GRID1: variants seen among roughly 807,000 people sequenced by gnomAD.
GRID1 encodes glutamate ionotropic receptor delta type subunit 1, also known as glutamate receptor ionotropic, delta-1.
Under a neutral mutation model 98.0 loss-of-function variants are expected in GRID1, and 28 were observed. The observed-to-expected ratio is 0.29, with a 90% CI of 0.21 to 0.39. The LOEUF (loss-of-function observed/expected upper bound fraction) is 0.39, where lower values mean the gene tolerates loss of function less well. Ranked by LOEUF, GRID1 falls within the 10% of genes least tolerant of loss-of-function variation. The probability of loss-of-function intolerance (pLI) is 1.00; values close to 1 mark genes in which losing one functional copy is unlikely to be tolerated. For synonymous variants in GRID1, 553 were observed against 538.5 expected (o/e 1.03, Z -0.37); for missense variants, 1,111 against 1,340.5 (o/e 0.83, Z 2.67).
intron 4 of GRID1, among the ~76,000 whole-genome samples, chr10:85,922,475 A>G (rs909033097): frequency 6.6e-6 from 1 of 152,188 alleles, no homozygotes; most frequent in Non-Finnish European, 1.5e-5. Context: ...CATCCCCCCA[A>G]CACTGGGAGC....
intron 2 of GRID1, among the ~76,000 whole-genome samples, chr10:86,349,913 A>G (rs960078759): frequency 6.6e-6 from 1 of 152,202 alleles, no homozygotes; most frequent in Non-Finnish European, 1.5e-5. Context: ...TCACAAATAA[A>G]TTAATAACAT....
chr10:85,820,914 T>C (rs1173872675), intron 8 of GRID1, among the ~76,000 whole-genome samples: 3 of 152,316 alleles, frequency 2.0e-5, no homozygotes, highest in East Asian at 3.9e-4. Context: ...CTTTTTGATA[T>C]TCATTCAAGG....
intron 3 of GRID1, among the ~76,000 whole-genome samples, chr10:86,191,951 G>C (rs534393991): frequency 4.6e-5 from 7 of 152,340 alleles, no homozygotes; most frequent in African/African-American, 1.4e-4. Flanking sequence ...GGAGTGATGA[G>C]AGAAAGGCCA....
chr10:86,086,394 C>G lies in GRID1; in HGVS notation c.726+52425G>C, dbSNP rs77655202. ...GATGAATATGATCTGCCAAACACTT[C>G]CGCACCCATTGTTTTATTGGATCTA... is the stretch of plus-strand genomic sequence containing the variant. On this transcript the variant is annotated intron_variant, in intron 4 of 15. Coordinates refer to ENST00000327946, the MANE Select transcript of GRID1 (RefSeq NM_017551.3). Among the ~76,000 whole-genome samples the G allele has an allele frequency of 2.0e-5, 3 of 152,302 alleles. No homozygotes were observed. The East Asian group carries it at 5.8e-4, about 29-fold the overall frequency.
intron 2 of GRID1, among the ~76,000 whole-genome samples, chr10:86,314,062 A>C (rs900164083): frequency 2.0e-5 from 3 of 152,202 alleles, no homozygotes; most frequent in Non-Finnish European, 4.4e-5. Context: ...CACTAAAATT[A>C]GTTTTCGGTT....
At chr10:85,863,511 T>G (rs1843185778) in intron 6 of GRID1, among the ~76,000 whole-genome samples, 1 of 152,224 alleles carries the variant, frequency 6.6e-6, no homozygotes, top group South Asian at 2.1e-4. Flanking sequence ...GCACTGACTT[T>G]CCACCTGGGC....
At chr10:85,729,361 T>G in intron 9 of GRID1, 152 bp downstream of exon 9, 3 of 516,670 alleles carry the variant, frequency 5.8e-6, no homozygotes, top group Non-Finnish European at 1.1e-5. Flanking sequence ...CCTTTCATTA[T>G]TCATACAATT....
Position 86,366,183 on chromosome 10 carries a change from G to GGCGCGGCCCTTCGGGGGA in GRID1, c.79+113_79+130dup, listed in dbSNP as rs1848675603. On this transcript the variant is annotated intron_variant, in intron 1 of 15. Transcript: ENST00000327946. The surrounding 1 kb of genome is among the most constrained non-coding windows in gnomAD (Gnocchi z 4.1). ...GCACAGCTCCTCCGCCGGGCGGCGC[G>GGCGCGGCCCTTCGGGGGA]GCGCGGCCCTTCGGGGGAGCACCGC... 4.6e-6 allele frequency: 2 copies of GGCGCGGCCCTTCGGGGGA among 435,658 alleles called. No individual in the cohort carries two copies. Among genetic ancestry groups the GGCGCGGCCCTTCGGGGGA allele is most frequent in the African/African-American group, 4.2e-5 (2 of 47,136 alleles). 27.0% of individuals were successfully genotyped at this position (435,658 alleles called of 1,614,324 possible).
At chr10:86,261,047 G>T in intron 2 of GRID1, among the ~76,000 whole-genome samples, 1 of 152,220 alleles carries the variant, frequency 6.6e-6, no homozygotes, top group Non-Finnish European at 1.5e-5. Flanking sequence ...AAGCCTCTGT[G>T]CCCACTCCAC....
intron 15 of GRID1, 189 bp downstream of exon 15, chr10:85,613,218 C>A: frequency 1.6e-6 from 1 of 636,764 alleles, no homozygotes; most frequent in Admixed American, 3.0e-5. Context: ...GAAAACATCC[C>A]CTACATTTCT....
chr10:86,360,297 A>G (rs1848584316), intron 2 of GRID1, among the ~76,000 whole-genome samples: 1 of 152,262 alleles, frequency 6.6e-6, no homozygotes, highest in Non-Finnish European at 1.5e-5. Context: ...TATAAAACTG[A>G]ACAGAATGGG....
chr10:85,644,376 G>A (rs1426988655), intron 13 of GRID1, among the ~76,000 whole-genome samples: 2 of 152,194 alleles, frequency 1.3e-5, no homozygotes, highest in East Asian at 1.9e-4. Flanking sequence ...TCTCCCACCT[G>A]TAGCAACCAC....
At chr10:86,179,278 C>G (rs554339984) in intron 3 of GRID1, among the ~76,000 whole-genome samples, 8 of 152,138 alleles carry the variant, frequency 5.3e-5, no homozygotes, top group Non-Finnish European at 1.0e-4. Context: ...CCACCCATGC[C>G]CCAGCCCCGG....
chr10:86,263,294 G>A (rs972947827), intron 2 of GRID1, among the ~76,000 whole-genome samples: 1 of 152,230 alleles, frequency 6.6e-6, no homozygotes, highest in African/African-American at 2.4e-5. Flanking sequence ...AATTCCCTTC[G>A]CGCCACGGCG....
At chr10:86,243,675 G>A (rs1468005110) in intron 2 of GRID1, among the ~76,000 whole-genome samples, 1 of 152,186 alleles carries the variant, frequency 6.6e-6, no homozygotes, top group African/African-American at 2.4e-5. Context: ...GTGAGGGATT[G>A]CTGCTGCCAG....
At chr10:85,858,101 G>A (rs1843130410) in intron 6 of GRID1, among the ~76,000 whole-genome samples, 3 of 152,212 alleles carry the variant, frequency 2.0e-5, no homozygotes, top group South Asian at 4.1e-4. Flanking sequence ...CTCCCCTGTA[G>A]GTATCCTTGT....
intron 2 of GRID1, among the ~76,000 whole-genome samples, chr10:86,289,653 G>A (rs533803915): frequency 1.3e-5 from 2 of 152,086 alleles, no homozygotes; most frequent in African/African-American, 2.4e-5. Context: ...ATCCTGCCCA[G>A]CCTCCCACCC....
chr10:86,078,580 T>A (rs746476803), intron 4 of GRID1, among the ~76,000 whole-genome samples: 1 of 152,258 alleles, frequency 6.6e-6, no homozygotes, highest in Non-Finnish European at 1.5e-5. Flanking sequence ...AAAGCCTTGC[T>A]TCCTGTCTTG....
intron 2 of GRID1, among the ~76,000 whole-genome samples, chr10:86,307,945 T>C (rs568131694): frequency 5.7e-4 from 87 of 152,334 alleles, no homozygotes; most frequent in Non-Finnish European, 1.1e-3. Context: ...AATTTCTACA[T>C]ATACAATCTC....
Sources: gnomAD v4.1 joint callset for allele counts (sites outside exome capture counted in the v4.1 genomes callset) on GRCh38, gnomAD v4.1.1 for gene constraint, Gnocchi (gnomAD v3.1) non-coding constraint, MANE v1.5 for transcripts, NCBI Gene and HGNC (gene_info 2026-07-23, HGNC 2026-07-21) for gene names.